Variants in CYYR1 observed in about 807,000 individuals in gnomAD.
CYYR1 encodes cysteine and tyrosine rich 1, also known as cysteine and tyrosine-rich protein 1.
In CYYR1, 14 loss-of-function variants were observed where a neutral mutation model predicts 15.2. That is an observed-to-expected ratio of 0.92 (90% CI 0.61 to 1.44). The LOEUF (loss-of-function observed/expected upper bound fraction) is 1.44. Among genes scored for constraint, CYYR1 ranks in the 40% most tolerant of loss-of-function variants. The probability of loss-of-function intolerance (pLI) is 0.00; values close to 1 mark genes in which losing one functional copy is unlikely to be tolerated. For missense variants in CYYR1, 228 were observed against 209.5 expected, an observed-to-expected ratio of 1.09 and a Z score of -0.54; for synonymous variants, 80 against 77.4, an observed-to-expected ratio of 1.03 and a Z score of -0.18.
intron 3 of CYYR1, among the ~76,000 whole-genome samples, chr21:26,473,661 C>T (rs2830243): frequency 0.24 from 36,745 of 152,126 alleles, 5,070 homozygotes; most frequent in East Asian, 0.62. Context: ...GAAAGTTCTC[C>T]TCTGACCCTG....
chr21:26,496,680 TAGAC>T (rs779378143), intron 2 of CYYR1, among the ~76,000 whole-genome samples: 1 of 152,220 alleles, frequency 6.6e-6, no homozygotes, highest in Non-Finnish European at 1.5e-5. Flanking sequence ...TATATGAAAA[TAGAC>T]AGGTCAGTGC....
chr21:26,513,830 C>T (rs934961711), intron 2 of CYYR1, among the ~76,000 whole-genome samples: 9 of 147,914 alleles, frequency 6.1e-5, no homozygotes, highest in Admixed American at 4.2e-4. Flanking sequence ...AACCAAACAC[C>T]GCATGTTCTC....
chr21:26,472,541 C>A (rs1479325529), intron 3 of CYYR1, among the ~76,000 whole-genome samples: 1 of 151,978 alleles, frequency 6.6e-6, no homozygotes, highest in Admixed American at 6.6e-5. Context: ...CTTTTGATAA[C>A]AGCTAGGTTT....
At chr21:26,476,295 C>T (rs547430436) in intron 3 of CYYR1, among the ~76,000 whole-genome samples, 67 of 152,210 alleles carry the variant, frequency 4.4e-4, no homozygotes, top group African/African-American at 1.4e-3. Context: ...GAGTAACACA[C>T]TCAAAGGTCC....
chr21:26,561,370 G>A (rs965724363), intron 2 of CYYR1, among the ~76,000 whole-genome samples: 11 of 150,204 alleles, frequency 7.3e-5, no homozygotes, highest in African/African-American at 2.7e-4. Context: ...GTTTGTCAGT[G>A]TTTGAATAGC....
chr21:26,497,176 C>G (rs1358542024), intron 2 of CYYR1, among the ~76,000 whole-genome samples: 1 of 152,096 alleles, frequency 6.6e-6, no homozygotes, highest in Non-Finnish European at 1.5e-5. Context: ...CATATTTGGT[C>G]AGATTTAATT....
intron 2 of CYYR1, among the ~76,000 whole-genome samples, chr21:26,536,764 AC>A (rs138696484): frequency 0.053 from 8,105 of 152,044 alleles, 275 homozygotes; most frequent in East Asian, 0.081. Context: ...CAGTCCTTTA[AC>A]CGGGTCTGTT....
chr21:26,502,384 G>A (rs943461390), intron 2 of CYYR1, among the ~76,000 whole-genome samples: 11 of 150,936 alleles, frequency 7.3e-5, no homozygotes, highest in East Asian at 3.9e-4. Flanking sequence ...CTCTGGGAGC[G>A]GGCAAAAATG....
At chr21:26,524,627 T>TTAG (rs3085026) in intron 2 of CYYR1, among the ~76,000 whole-genome samples, 97,346 of 151,788 alleles carry the variant, frequency 0.64, 31,443 homozygotes, top group East Asian at 0.86. Flanking sequence ...AGCCAACCAC[T>TTAG]TAGTAATGTC....
At chr21:26,519,790 T>A (rs2065778998) in intron 2 of CYYR1, among the ~76,000 whole-genome samples, 1 of 152,122 alleles carries the variant, frequency 6.6e-6, no homozygotes, top group South Asian at 2.1e-4. Context: ...GGTGGGGATG[T>A]AAATTAGTTC....
chr21:26,536,785 T>C (rs192124709), intron 2 of CYYR1, among the ~76,000 whole-genome samples: 92 of 152,282 alleles, frequency 6.0e-4, no homozygotes, highest in African/African-American at 2.1e-3. Context: ...TTTCATCTGT[T>C]CCTTGATCTT....
chr21:26,526,986 G>T (rs2065875179), intron 2 of CYYR1, among the ~76,000 whole-genome samples: 1 of 152,208 alleles, frequency 6.6e-6, no homozygotes. Flanking sequence ...CACAAGCTAT[G>T]TTAAGCACTT....
chr21:26,538,065 C>A (rs1978323360), intron 2 of CYYR1, among the ~76,000 whole-genome samples: 2 of 152,178 alleles, frequency 1.3e-5, no homozygotes, highest in Admixed American at 6.5e-5. Context: ...GTAGCGATCA[C>A]CACGGAGATG....
intron 2 of CYYR1, among the ~76,000 whole-genome samples, chr21:26,516,878 G>A (rs1054489774): frequency 1.3e-5 from 2 of 151,898 alleles, no homozygotes; most frequent in Non-Finnish European, 2.9e-5. Flanking sequence ...CACTTTGGGA[G>A]GCCGAGGCGG....
At chr21:26,477,764 T>G (rs541726222) in intron 3 of CYYR1, 1 of 985,258 alleles carries the variant, frequency 1.0e-6, no homozygotes, top group African/African-American at 1.7e-5. Flanking sequence ...ATGTCTTTGC[T>G]TGACTTTCTT....
chr21:26,513,969 C>T (rs916533175), intron 2 of CYYR1, among the ~76,000 whole-genome samples: 3 of 151,030 alleles, frequency 2.0e-5, no homozygotes, highest in East Asian at 3.9e-4. Context: ...ATGTAAATGA[C>T]GAGTTAATGG....
intron 2 of CYYR1, among the ~76,000 whole-genome samples, chr21:26,527,960 A>G (rs1398589328): frequency 6.6e-6 from 1 of 152,214 alleles, no homozygotes; most frequent in Admixed American, 6.5e-5. Flanking sequence ...AAAATAAACT[A>G]CAGAAATTCT....
chr21:26,492,858 C>T (rs908763887), intron 2 of CYYR1, among the ~76,000 whole-genome samples: 2 of 152,146 alleles, frequency 1.3e-5, no homozygotes, highest in South Asian at 2.1e-4. Flanking sequence ...TAGGATTAAA[C>T]GCAAATGGGG....
At chr21:26,501,171 C>T (rs183737883) in intron 2 of CYYR1, among the ~76,000 whole-genome samples, 65 of 152,258 alleles carry the variant, frequency 4.3e-4, no homozygotes, top group African/African-American at 1.5e-3. Context: ...AACCCCATCT[C>T]TACTAAAAAT....
Sources: gnomAD v4.1 joint callset for allele counts (sites outside exome capture counted in the v4.1 genomes callset) on GRCh38, gnomAD v4.1.1 for gene constraint, MANE v1.5 for transcripts, NCBI Gene and HGNC (gene_info 2026-07-23, HGNC 2026-07-21) for gene names.